MYO16: variants seen among roughly 807,000 people sequenced by gnomAD.
MYO16 encodes the protein unconventional myosin-XVI.
In MYO16, 94 loss-of-function variants were observed where a neutral mutation model predicts 205.3. The ratio of observed to expected loss-of-function variants is 0.46; its 90% CI spans 0.39 to 0.54. MYO16 has a LOEUF of 0.54. Among genes scored for constraint, MYO16 ranks in the 20% least tolerant of loss-of-function variants. The pLI is 0.00. For synonymous variants in MYO16, 988 were observed against 954.0 expected (o/e 1.04, Z -0.66); for missense variants, 2,315 against 2,387.5 (o/e 0.97, Z 0.63).
intron 27 of MYO16, chr13:109,065,667 T>C: frequency 7.4e-6 from 3 of 406,110 alleles, no homozygotes. Flanking sequence ...CATACATCTT[T>C]GTTTCCAATG....
intron 21 of MYO16, among the ~76,000 whole-genome samples, chr13:108,999,990 C>T (rs1027635584): frequency 1.3e-5 from 2 of 152,040 alleles, no homozygotes; most frequent in African/African-American, 2.4e-5. Flanking sequence ...TCACCAAATC[C>T]GTTTAATATA....
chr13:109,193,317 T>G (rs2139950149), intron 34 of MYO16, among the ~76,000 whole-genome samples: 1 of 152,350 alleles, frequency 6.6e-6, no homozygotes, highest in South Asian at 2.1e-4. Flanking sequence ...GTGCATTTAT[T>G]AATGATACAG....
intron 27 of MYO16, among the ~76,000 whole-genome samples, chr13:109,087,548 A>T (rs1479656198): frequency 6.6e-6 from 1 of 152,126 alleles, no homozygotes; most frequent in East Asian, 1.9e-4. Context: ...TGGGAAGCTG[A>T]GGCAGGAGAA....
intron 10 of MYO16, among the ~76,000 whole-genome samples, chr13:108,847,883 C>T (rs1877603593): frequency 6.6e-6 from 1 of 151,812 alleles, no homozygotes; most frequent in African/African-American, 2.4e-5. Flanking sequence ...TTCTTATTTT[C>T]CCTCTTTCCT....
chr13:108,716,176 A>G lies in MYO16; in HGVS notation c.363+3445A>G, dbSNP rs189372491. On this transcript the variant is annotated intron_variant, in intron 3 of 34. Coordinates refer to ENST00000457511, the MANE Select transcript of MYO16 (RefSeq NM_001198950.3). ...CATAGTGAATTTTCAATGCATAGTC[A>G]ACGAATGAATGAATGAGCTCTAAGG... 2.4e-3 allele frequency among the ~76,000 whole-genome samples: 370 copies of G among 152,358 alleles called. 2 individuals carry two copies. The highest frequency in any genetic ancestry group is 8.5e-3 in the African/African-American group (353 of 41,584).
At chr13:109,175,078 C>T (rs1427546612) in intron 33 of MYO16, among the ~76,000 whole-genome samples, 1 of 152,084 alleles carries the variant, frequency 6.6e-6, no homozygotes, top group East Asian at 1.9e-4. Flanking sequence ...TAAGAATTTA[C>T]ATGAACCCAC....
chr13:109,016,948 C>T (rs185424240), intron 22 of MYO16, among the ~76,000 whole-genome samples: 169 of 152,228 alleles, frequency 1.1e-3, no homozygotes, highest in African/African-American at 3.9e-3. Flanking sequence ...TTAATTGGGG[C>T]ATTTAGCCCA....
chr13:109,116,054 A>G (rs1594098942), intron 28 of MYO16, among the ~76,000 whole-genome samples: 2 of 152,238 alleles, frequency 1.3e-5, no homozygotes, highest in South Asian at 4.1e-4. Flanking sequence ...CCAACCCACA[A>G]ATAAATTATA....
chr13:109,070,061 A>G (rs1594056612), intron 27 of MYO16, among the ~76,000 whole-genome samples: 1 of 152,198 alleles, frequency 6.6e-6, no homozygotes, highest in East Asian at 1.9e-4. Flanking sequence ...AGAATCTAAT[A>G]CTGTATGTGG....
At chr13:108,665,266 A>AT in intron 1 of MYO16, among the ~76,000 whole-genome samples, 1 of 151,938 alleles carries the variant, frequency 6.6e-6, no homozygotes, top group South Asian at 2.1e-4. Context: ...AAGTTTATTT[A>AT]TTATTTATTT....
intron 16 of MYO16, among the ~76,000 whole-genome samples, chr13:108,936,334 C>T (rs1013963952): frequency 4.6e-5 from 7 of 151,956 alleles, no homozygotes; most frequent in African/African-American, 1.7e-4. Context: ...TAAAAATTTG[C>T]TGTGAATCAG....
chr13:109,099,213 CT>C (rs2139707764), intron 27 of MYO16, among the ~76,000 whole-genome samples: 1 of 152,294 alleles, frequency 6.6e-6, no homozygotes, highest in Admixed American at 6.5e-5. Flanking sequence ...TGCCTCTGCT[CT>C]TTTGTGACCC....
rs138330018 is a variant in MYO16 at position 109,019,774 on chromosome 13, A to C, written c.2659A>C (p.Asn887His). 37 of 1,614,036 alleles carry C rather than the reference A, an allele frequency of 2.3e-5. No individual in the cohort carries two copies. In the African/African-American group the frequency reaches 4.4e-4, roughly 19 times the overall value. The part of the protein sequence containing the change: ...ESQMIWSVES[N>H]FPKKLQSLLE... ...TCAAATGATTTGGTCAGTGGAATCA[A>C]ATTTTCCAAAAAAACTACAAAGTCT... The change falls in exon 23 of 35, where the codon AAT becomes CAT. Residue 887 changes from asparagine to histidine, a missense_variant. Asn to His is a moderately conservative substitution (Grantham distance 68, BLOSUM62 1). Transcript: ENST00000457511.
intron 32 of MYO16, among the ~76,000 whole-genome samples, chr13:109,144,698 A>C (rs1264143900): frequency 6.6e-6 from 1 of 152,246 alleles, no homozygotes; most frequent in African/African-American, 2.4e-5. Flanking sequence ...AAATTAACTA[A>C]AGTTCATTTT....
At chr13:108,569,827 T>C in the MYO16 span, among the ~76,000 whole-genome samples, 59 of 152,284 alleles carry the variant, frequency 3.9e-4, no homozygotes, top group South Asian at 0.012. Flanking sequence ...CTTTCCAGTT[T>C]ATTGGGTGTT....
chr13:109,052,518 A>C (rs777195405), intron 25 of MYO16, 43 bp downstream of exon 25: 8 of 1,446,776 alleles, frequency 5.5e-6, no homozygotes, highest in Non-Finnish European at 7.6e-6. Context: ...TTTAATTTTG[A>C]TAAGTATATT....
intron 4 of MYO16, among the ~76,000 whole-genome samples, chr13:108,753,370 C>CAAAAAAAAAAAAAA (rs534466420): frequency 1.1e-4 from 12 of 111,780 alleles, no homozygotes; most frequent in African/African-American, 4.2e-4. Flanking sequence ...AACTCTGTGA[C>CAAAAAAAAAAAAAA]AAAAAAAAAA....
chr13:108,852,580 C>CT (rs1877938181), intron 10 of MYO16, among the ~76,000 whole-genome samples: 1 of 152,230 alleles, frequency 6.6e-6, no homozygotes, highest in African/African-American at 2.4e-5. Flanking sequence ...AACGAGAACT[C>CT]TGATTCCTAA....
intron 2 of MYO16, among the ~76,000 whole-genome samples, chr13:108,690,692 T>G (rs760676897): frequency 6.6e-6 from 1 of 152,168 alleles, no homozygotes; most frequent in Non-Finnish European, 1.5e-5. Context: ...GTAATAAACA[T>G]CAGTGTGGCC....
Sources: gnomAD v4.1 joint callset for allele counts (sites outside exome capture counted in the v4.1 genomes callset) on GRCh38, gnomAD v4.1.1 for gene constraint, MANE v1.5 for transcripts, NCBI Gene and HGNC (gene_info 2026-07-23, HGNC 2026-07-21) for gene names.